Variants in TRPM8 observed in about 807,000 individuals in gnomAD.
The protein encoded by TRPM8 is TRPM8 cationic channel.
In TRPM8, 110 loss-of-function variants were observed where a neutral mutation model predicts 133.7. That is an observed-to-expected ratio of 0.82 (90% CI 0.70 to 0.96). The LOEUF is 0.96. Ranked by LOEUF, TRPM8 falls within the 40% of genes least tolerant of loss-of-function variation. The pLI is 0.00. For missense variants in TRPM8, 1,291 were observed against 1,379.5 expected, an observed-to-expected ratio of 0.94 and a Z score of 1.02; for synonymous variants, 535 against 532.3, an observed-to-expected ratio of 1.01 and a Z score of -0.07.
chr2:233,963,254 A>G, intron 12 of TRPM8, 28 bp from the exon 13 acceptor site: 3 of 1,536,722 alleles, frequency 2.0e-6, no homozygotes, highest in Non-Finnish European at 2.7e-6. Flanking sequence ...CCATTTGCAC[A>G]TGCTGACCAC....
At chr2:233,950,254 T>A in intron 9 of TRPM8, 108 bp downstream of exon 9, 1 of 1,141,280 alleles carries the variant, frequency 8.8e-7, no homozygotes. Flanking sequence ...TGTTTGGTAT[T>A]TTCTCCGTGC....
chr2:234,015,834 A>G (rs1281606011), intron 25 of TRPM8, among the ~76,000 whole-genome samples: 1 of 152,224 alleles, frequency 6.6e-6, no homozygotes, highest in South Asian at 2.1e-4. Context: ...AACACTATTA[A>G]ACCTTATAAT....
At chr2:233,966,001 A>T (rs1691560432) in intron 14 of TRPM8, 1 of 152,368 alleles carries the variant, frequency 6.6e-6, no homozygotes, top group Admixed American at 6.5e-5. Flanking sequence ...GGCGCATGCC[A>T]CCACACCCGG....
intron 13 of TRPM8, among the ~76,000 whole-genome samples, chr2:233,963,611 G>A (rs1410200994): frequency 3.3e-5 from 5 of 152,178 alleles, no homozygotes; most frequent in African/African-American, 7.2e-5. Flanking sequence ...TCTCAGGTGT[G>A]TGTGGGTGTG....
At chr2:233,956,680 T>C (rs76285615) in intron 11 of TRPM8, among the ~76,000 whole-genome samples, 1 of 152,334 alleles carries the variant, frequency 6.6e-6, no homozygotes, top group African/African-American at 2.4e-5. Flanking sequence ...AAGACTCGAT[T>C]TATATTAACA....
chr2:234,009,598 G>A lies in TRPM8; in HGVS notation c.3264+1495G>A, dbSNP rs552051636. Among the ~76,000 whole-genome samples the A allele has an allele frequency of 3.3e-5, 5 of 152,262 alleles. No homozygotes were observed. In the South Asian group the frequency reaches 6.2e-4, roughly 19 times the overall value. ...TCAGCCTGGATCCCCACTGCACAGC[G>A]CAGAGCCTCGGCCATCACTCAGGAG... On this transcript the variant is annotated intron_variant, in intron 24 of 25. Transcript: ENST00000324695.
Position 233,969,752 on chromosome 2 carries a change from A to G in TRPM8, c.2083A>G (p.Ile695Val). The G allele has an allele frequency of 6.2e-7, 1 of 1,614,032 alleles. No individual in the cohort carries two copies. Among genetic ancestry groups the G allele is most frequent in the Non-Finnish European group, 8.5e-7 (1 of 1,179,924 alleles). ...TTCCCGAGACACCAAGAACTGGAAG[A>G]TTATCCTGTGTCTGTTTATTATACC... ...EISRDTKNWK[I>V]ILCLFIIPLV... The change falls in exon 16 of 26, where the codon ATT becomes GTT. Residue 695 changes from isoleucine (I) to valine (V), a missense_variant. By Grantham distance (29) the Ile-to-Val change is conservative. Coordinates refer to ENST00000324695, the MANE Select transcript of TRPM8 (RefSeq NM_024080.5).
intron 3 of TRPM8, among the ~76,000 whole-genome samples, chr2:233,933,014 G>C (rs1176773345): frequency 6.6e-6 from 1 of 151,352 alleles, no homozygotes; most frequent in Non-Finnish European, 1.5e-5. Context: ...ACTTCTTGTG[G>C]ACGCTACTGC....
rs200208692 is a variant in TRPM8 at position 233,950,051 on chromosome 2, C to G, written c.1045C>G (p.Leu349Val). The G allele has an allele frequency of 1.9e-6, 3 of 1,614,160 alleles. No individual in the cohort carries two copies. Among genetic ancestry groups the G allele is most frequent in the Non-Finnish European group, 1.7e-6 (2 of 1,180,040 alleles). Residue 349 changes from leucine (L) to valine (V), a missense_variant, in exon 9 of 26, where the codon CTG becomes GTG. By Grantham distance (32) the Leu-to-Val change is conservative. Coordinates refer to ENST00000324695, the MANE Select transcript of TRPM8 (RefSeq NM_024080.5). ...IASLVEVEDA[L>V]TSSAVKEKLV... ...TAGCCTGGTGGAGGTGGAGGATGCC[C>G]TGACATCTTCTGCCGTCAAGGAGAA...
At chr2:234,010,244 T>C (rs1162666807) in intron 24 of TRPM8, among the ~76,000 whole-genome samples, 2 of 152,222 alleles carry the variant, frequency 1.3e-5, no homozygotes, top group East Asian at 3.8e-4. Flanking sequence ...TCTCTTTCTG[T>C]GTCTGGCTAA....
At chr2:233,966,349 C>A (rs2125204621) in intron 14 of TRPM8, among the ~76,000 whole-genome samples, 1 of 152,264 alleles carries the variant, frequency 6.6e-6, no homozygotes, top group East Asian at 1.9e-4. Flanking sequence ...GAGGGGCTCC[C>A]TCTGTCCAAT....
intron 21 of TRPM8, among the ~76,000 whole-genome samples, chr2:233,992,951 G>A (rs1013397206): frequency 6.6e-6 from 1 of 152,172 alleles, no homozygotes; most frequent in Non-Finnish European, 1.5e-5. Flanking sequence ...CATTGTTTTA[G>A]GAAAGCAGGT....
intron 2 of TRPM8, among the ~76,000 whole-genome samples, chr2:233,929,977 G>A (rs1331269657): frequency 6.6e-6 from 1 of 152,080 alleles, no homozygotes; most frequent in African/African-American, 2.4e-5. Context: ...GCTTACTCTT[G>A]TCTTTGGCCA....
At chr2:233,921,869 C>T (rs1190816188) in intron 1 of TRPM8, among the ~76,000 whole-genome samples, 2 of 151,828 alleles carry the variant, frequency 1.3e-5, no homozygotes, top group African/African-American at 2.4e-5. Context: ...GATGGGATTT[C>T]GCCATGTTGG....
chr2:234,008,044 T>C lies in TRPM8; in HGVS notation c.3231-26T>C, dbSNP rs766770373. 2.5e-6 allele frequency: 4 copies of C among 1,607,524 alleles called. No individual in the cohort carries two copies. The African/African-American group carries it at 5.4e-5, about 22-fold the overall frequency. ...CTCAATCTGTTTTTCTCTTGTTCACTTTCTTTTTCATTAACTTCTTTGCAG... is the reference window on the plus strand; with the variant it reads ...CTCAATCTGTTTTTCTCTTGTTCACCTTCTTTTTCATTAACTTCTTTGCAG... On this transcript the variant is annotated intron_variant, in intron 23 of 25. Transcript: ENST00000324695.
chr2:233,972,388 G>A (rs1226154396), intron 17 of TRPM8, among the ~76,000 whole-genome samples: 1 of 152,260 alleles, frequency 6.6e-6, no homozygotes, highest in African/African-American at 2.4e-5. Flanking sequence ...ACCAGACTCA[G>A]GAGCCCAGCT....
chr2:233,961,153 C>A, intron 12 of TRPM8, 87 bp downstream of exon 12: 2 of 1,320,040 alleles, frequency 1.5e-6, no homozygotes, highest in Non-Finnish European at 2.1e-6. Context: ...TACTCCCTAT[C>A]TTATTGCCAT....
chr2:233,922,758 C>G (rs1046496280), intron 1 of TRPM8, among the ~76,000 whole-genome samples: 7 of 152,184 alleles, frequency 4.6e-5, no homozygotes, highest in African/African-American at 1.2e-4. Flanking sequence ...AATGTAAACA[C>G]TGTTCCATTT....
intron 25 of TRPM8, among the ~76,000 whole-genome samples, chr2:234,016,296 G>A (rs1410408718): frequency 6.6e-6 from 1 of 152,112 alleles, no homozygotes; most frequent in Non-Finnish European, 1.5e-5. Context: ...AGAACCACTG[G>A]TGGCCTCAGA....
Sources: gnomAD v4.1 joint callset for allele counts (sites outside exome capture counted in the v4.1 genomes callset) on GRCh38, gnomAD v4.1.1 for gene constraint, MANE v1.5 for transcripts, NCBI Gene and HGNC (gene_info 2026-07-23, HGNC 2026-07-21) for gene names.